STK38L: variants seen among roughly 807,000 people sequenced by gnomAD.
STK38L encodes the protein serine/threonine kinase 38 like, also known as serine/threonine-protein kinase 38-like.
In STK38L, 28 loss-of-function variants were observed where a neutral mutation model predicts 59.7. That is an observed-to-expected ratio of 0.47 (90% confidence interval 0.35 to 0.64). The LOEUF (loss-of-function observed/expected upper bound fraction) is 0.64, where lower values mean the gene tolerates loss of function less well. STK38L is among the 30% of genes least tolerant of loss of function. The probability of loss-of-function intolerance (pLI) is 0.01; values close to 1 mark genes in which losing one functional copy is unlikely to be tolerated. For synonymous variants in STK38L, 162 were observed against 176.8 expected (o/e 0.92, Z 0.66); for missense variants, 314 against 555.8 (o/e 0.56, Z 4.37).
At position 27,317,897 on chromosome 12, in the gene STK38L, A is replaced by C; in HGVS notation, c.957A>C (p.Gly319=). 2 of 1,613,580 alleles carry C rather than the reference A, an allele frequency of 1.2e-6. No individual in the cohort carries two copies. The highest frequency in any genetic ancestry group is 2.2e-5 in the South Asian group (2 of 91,054). Reference sequence around the variant, plus strand: ...ATTTTTGATTTATTTGATACATAGGATATCCACCTTTCTGCTCTGAAACAC... The same window carrying C: ...ATTTTTGATTTATTTGATACATAGGCTATCCACCTTTCTGCTCTGAAACAC... ...LGVIMYEMLI[G]YPPFCSETPQ... The change falls in exon 11 of 14, where the codon GGA becomes GGC. Residue 319 remains glycine (G), a splice_region_variant and synonymous_variant. Coordinates refer to ENST00000389032, the MANE Select transcript of STK38L (RefSeq NM_015000.4).
chr12:27,282,476 T>C (rs760251095), intron 1 of STK38L, among the ~76,000 whole-genome samples: 2 of 152,148 alleles, frequency 1.3e-5, no homozygotes, highest in Admixed American at 1.3e-4. Context: ...ACATAAAATA[T>C]ATAAAAATAT....
intron 6 of STK38L, among the ~76,000 whole-genome samples, chr12:27,313,716 A>T (rs909787330): frequency 1.3e-5 from 2 of 152,096 alleles, no homozygotes; most frequent in African/African-American, 4.8e-5. Flanking sequence ...AAAATATATG[A>T]AAAAAATGTA....
At chr12:27,283,866 A>G (rs7316300) in intron 1 of STK38L, among the ~76,000 whole-genome samples, 10,766 of 152,226 alleles carry the variant, frequency 0.071, 504 homozygotes, top group Non-Finnish European at 0.11. Context: ...CCATGACCTC[A>G]TACACTGTAT....
intron 1 of STK38L, among the ~76,000 whole-genome samples, chr12:27,280,293 C>CA (rs1196830448): frequency 6.6e-6 from 1 of 152,158 alleles, no homozygotes; most frequent in African/African-American, 2.4e-5. Flanking sequence ...GAAAGAGAAT[C>CA]AAAGTCAGTA....
At chr12:27,263,451 C>G (rs1191513367) in intron 1 of STK38L, among the ~76,000 whole-genome samples, 1 of 152,188 alleles carries the variant, frequency 6.6e-6, no homozygotes. Context: ...GTGTTTGAGT[C>G]CTTCCTTATT....
At position 27,313,407 on chromosome 12, in the gene STK38L, AGTCTCGCT is replaced by A. The variant is rs537165567; in HGVS notation, c.517+736_517+743del. Among the ~76,000 whole-genome samples the A allele has an allele frequency of 2.0e-5, 3 of 152,252 alleles. No homozygotes were observed. In the East Asian group the frequency reaches 5.8e-4, roughly 29 times the overall value. ...TTTTAATTTTTATTTTTTGAGATGA[AGTCTCGCT>A]CTGTTGCCTAGGCTGGAGTGCAGTG... On this transcript the variant is annotated intron_variant, in intron 6 of 13. Coordinates refer to ENST00000389032, the MANE Select transcript of STK38L (RefSeq NM_015000.4).
In STK38L at chr12:27,301,585, T is replaced by C. The variant is rs533033193; in HGVS notation, c.135-552T>C. On this transcript the variant is annotated intron_variant, in intron 2 of 13. Transcript: ENST00000389032. ...GCTGGTGGGTTTTTAAAAACACACA[T>C]ATATGACTTTCCAATTTTCAAATAA... Among the ~76,000 whole-genome samples the C allele has an allele frequency of 9.8e-5, 15 of 152,308 alleles. No homozygotes were observed. The South Asian group carries it at 2.9e-3, about 29-fold the overall frequency.
In STK38L at chr12:27,277,068, C is replaced by T. The variant is rs185094282; in HGVS notation, c.-11-20642C>T. 2.8e-3 allele frequency among the ~76,000 whole-genome samples: 419 copies of T among 152,156 alleles called. 2 individuals are homozygous for T. Among genetic ancestry groups the T allele is most frequent in the Non-Finnish European group, 3.8e-3 (261 of 67,996 alleles). On this transcript the variant is annotated intron_variant, in intron 1 of 13. Coordinates refer to ENST00000389032, the MANE Select transcript of STK38L (RefSeq NM_015000.4). Reference sequence around the variant, plus strand: ...TACTTCACTTCTAAATATGTATAACCCACCAAATTATCCCAATTTCACTTA... The same window carrying T: ...TACTTCACTTCTAAATATGTATAACTCACCAAATTATCCCAATTTCACTTA...
chr12:27,259,125 T>C (rs1379173662), intron 1 of STK38L, among the ~76,000 whole-genome samples: 1 of 152,250 alleles, frequency 6.6e-6, no homozygotes, highest in Non-Finnish European at 1.5e-5. Flanking sequence ...TGCCCATCTT[T>C]GTCTATTCAG....
chr12:27,300,099 C>G (rs1944127778), intron 2 of STK38L, among the ~76,000 whole-genome samples: 2 of 151,630 alleles, frequency 1.3e-5, no homozygotes, highest in African/African-American at 4.9e-5. Flanking sequence ...CTTTCTTTTT[C>G]CAAATAAAGG....
chr12:27,286,554 A>G (rs1279407663), intron 1 of STK38L, among the ~76,000 whole-genome samples: 1 of 152,106 alleles, frequency 6.6e-6, no homozygotes, highest in African/African-American at 2.4e-5. Flanking sequence ...GTGGTATTTT[A>G]TACTATCATC....
rs534156616 is a variant in STK38L at position 27,274,192 on chromosome 12, G to A, written c.-11-23518G>A. ...CAGTTTAACCCAGGAGGCCAAGAGC[G>A]CGCCACTGCACTCCAGCCTGGCAAC... On this transcript the variant is annotated intron_variant, in intron 1 of 13. Transcript: ENST00000389032. Among the ~76,000 whole-genome samples, 8 of 149,248 alleles carry A rather than the reference G, an allele frequency of 5.4e-5. No individual in the cohort carries two copies. In the East Asian group the frequency reaches 8.0e-4, roughly 15 times the overall value.
chr12:27,263,502 G>A (rs4035943), intron 1 of STK38L, among the ~76,000 whole-genome samples: 1,821 of 152,212 alleles, frequency 0.012, 36 homozygotes, highest in African/African-American at 0.038. Context: ...GTGATGAATC[G>A]CAAGAACTCT....
chr12:27,255,405 G>A (rs562355610), intron 1 of STK38L, among the ~76,000 whole-genome samples: 1 of 152,238 alleles, frequency 6.6e-6, no homozygotes, highest in South Asian at 2.1e-4. Flanking sequence ...ACAAGATATT[G>A]GACTGACAAA....
chr12:27,320,693 T>C (rs1470978332), intron 12 of STK38L, among the ~76,000 whole-genome samples: 2 of 151,984 alleles, frequency 1.3e-5, no homozygotes, highest in African/African-American at 4.8e-5. Flanking sequence ...CTCTATAAAA[T>C]AGGAACTGTT....
Position 27,312,588 on chromosome 12 carries a change from G to A in STK38L, c.433G>A (p.Ala145Thr). ...IRAERDILVE[A>T]DGAWVVKMFY... ...AGCAGAAAGAGATATTTTGGTAGAA[G>A]CAGATGGTGCCTGGGTGGTGAAGAT... is the stretch of plus-strand genomic sequence containing the variant. Residue 145 changes from alanine (A) to threonine (T), a missense_variant, in exon 6 of 14, where the codon GCA becomes ACA. Coordinates refer to ENST00000389032, the MANE Select transcript of STK38L (RefSeq NM_015000.4). 1.2e-6 allele frequency: 2 copies of A among 1,614,048 alleles called. No homozygotes were observed. The highest frequency in any genetic ancestry group is 1.7e-6 in the Non-Finnish European group (2 of 1,180,008).
chr12:27,299,776 G>A (rs959920540), intron 2 of STK38L, among the ~76,000 whole-genome samples: 6 of 149,762 alleles, frequency 4.0e-5, no homozygotes, highest in African/African-American at 4.9e-5. Context: ...CTAGTAGAAG[G>A]AAAAAATTGG....
At chr12:27,253,467 T>C (rs1943020434) in intron 1 of STK38L, among the ~76,000 whole-genome samples, 1 of 152,056 alleles carries the variant, frequency 6.6e-6, no homozygotes, top group African/African-American at 2.4e-5. Context: ...ACCTAGGCAG[T>C]TCTTTCACTG....
At chr12:27,318,847 C>T (rs891313987) in intron 11 of STK38L, among the ~76,000 whole-genome samples, 20 of 152,052 alleles carry the variant, frequency 1.3e-4, no homozygotes, top group Middle Eastern at 3.4e-3. Flanking sequence ...AAAAATTAGC[C>T]GGGCGAGGTG....
Sources: allele counts gnomAD v4.1 joint callset (sites outside exome capture counted in the v4.1 genomes callset), GRCh38; gene constraint gnomAD v4.1.1; transcripts MANE v1.5; gene names NCBI Gene and HGNC (gene_info 2026-07-23, HGNC 2026-07-21).